Variants in AGBL1 observed in about 807,000 individuals in gnomAD.
The protein encoded by AGBL1 is cytosolic carboxypeptidase 4.
Under a neutral mutation model 118.9 loss-of-function variants are expected in AGBL1, and 130 were observed. The observed-to-expected ratio is 1.09, with a 90% CI of 0.95 to 1.26. AGBL1 has a LOEUF of 1.26. Among genes scored for constraint, AGBL1 ranks in the 50% most tolerant of loss-of-function variants. The pLI is 0.00. For missense variants in AGBL1, 1,584 were observed against 1,298.1 expected, an observed-to-expected ratio of 1.22 and a Z score of -3.38; for synonymous variants, 555 against 478.9, an observed-to-expected ratio of 1.16 and a Z score of -2.08.
intron 24 of AGBL1, among the ~76,000 whole-genome samples, chr15:87,022,206 C>T (rs1411388910): frequency 6.6e-6 from 1 of 151,884 alleles, no homozygotes; most frequent in Non-Finnish European, 1.5e-5. Context: ...AGAGTCTACC[C>T]AAATGAGAAG....
At chr15:86,308,828 G>T (rs529905783) in intron 17 of AGBL1, among the ~76,000 whole-genome samples, 1 of 152,262 alleles carries the variant, frequency 6.6e-6, no homozygotes, top group South Asian at 2.1e-4. Context: ...CTACAGCTTT[G>T]TAGTATATTT....
At chr15:86,718,166 C>T (rs751031352) in intron 22 of AGBL1, among the ~76,000 whole-genome samples, 9 of 152,150 alleles carry the variant, frequency 5.9e-5, no homozygotes, top group Non-Finnish European at 1.0e-4. Context: ...GAGCCAGAGA[C>T]CCTACCACTG....
intron 22 of AGBL1, among the ~76,000 whole-genome samples, chr15:86,716,722 C>G (rs1378423536): frequency 6.6e-6 from 1 of 152,138 alleles, no homozygotes; most frequent in Non-Finnish European, 1.5e-5. Context: ...TATCCCAAAG[C>G]CGTCATTGCT....
intron 18 of AGBL1, among the ~76,000 whole-genome samples, chr15:86,419,425 G>T (rs1596090623): frequency 6.6e-6 from 1 of 152,268 alleles, no homozygotes; most frequent in East Asian, 1.9e-4. Flanking sequence ...ATGCATTATG[G>T]CCCAGATACT....
chr15:86,616,217 A>G (rs2084719267), intron 21 of AGBL1, among the ~76,000 whole-genome samples: 1 of 151,886 alleles, frequency 6.6e-6, no homozygotes, highest in South Asian at 2.1e-4. Flanking sequence ...GGCACCTGTA[A>G]TCTCAGCTAC....
intron 16 of AGBL1, among the ~76,000 whole-genome samples, chr15:86,287,206 T>C (rs541268742): frequency 5.9e-5 from 9 of 152,304 alleles, no homozygotes; most frequent in Non-Finnish European, 1.2e-4. Flanking sequence ...GGTTGTTTGT[T>C]TTCTTGTTAC....
intron 22 of AGBL1, among the ~76,000 whole-genome samples, chr15:86,774,417 T>G (rs1351737414): frequency 6.6e-6 from 1 of 152,282 alleles, no homozygotes; most frequent in Admixed American, 6.5e-5. Flanking sequence ...TAATACATAC[T>G]TTTGTTTTAT....
intron 22 of AGBL1, among the ~76,000 whole-genome samples, chr15:86,808,166 T>C (rs1481412116): frequency 6.6e-6 from 1 of 152,206 alleles, no homozygotes; most frequent in African/African-American, 2.4e-5. Context: ...TTATACAGAA[T>C]GACCTTTCTG....
intron 17 of AGBL1, among the ~76,000 whole-genome samples, chr15:86,307,706 A>G (rs1421765248): frequency 6.6e-6 from 1 of 152,086 alleles, no homozygotes; most frequent in South Asian, 2.1e-4. Flanking sequence ...GTTTGAGTCT[A>G]GTCTGGACAG....
chr15:86,800,428 C>T (rs770753989), intron 22 of AGBL1, among the ~76,000 whole-genome samples: 1 of 151,958 alleles, frequency 6.6e-6, no homozygotes, highest in African/African-American at 2.4e-5. Flanking sequence ...AGAAAAAAGG[C>T]CCAGAATTTC....
At chr15:86,568,686 A>G (rs2083955906) in intron 21 of AGBL1, among the ~76,000 whole-genome samples, 1 of 152,218 alleles carries the variant, frequency 6.6e-6, no homozygotes, top group African/African-American at 2.4e-5. Flanking sequence ...TTTGTTAGAA[A>G]TGCAGACTCC....
intron 5 of AGBL1, among the ~76,000 whole-genome samples, chr15:86,224,671 GA>G (rs990271495): frequency 6.6e-6 from 1 of 152,122 alleles, no homozygotes; most frequent in African/African-American, 2.4e-5. Flanking sequence ...AAGCAGGGGA[GA>G]GAAAGAGATT....
intron 22 of AGBL1, among the ~76,000 whole-genome samples, chr15:86,766,906 A>G (rs2078104442): frequency 6.6e-6 from 1 of 151,866 alleles, no homozygotes; most frequent in Non-Finnish European, 1.5e-5. Context: ...CAACCTACAG[A>G]CGCCATTTCT....
At chr15:86,119,638 T>G (rs1282209664) in intron 1 of AGBL1, among the ~76,000 whole-genome samples, 3 of 150,262 alleles carry the variant, frequency 2.0e-5, no homozygotes, top group Admixed American at 6.7e-5. Flanking sequence ...TGGAAGAGCA[T>G]ATCTCAGAAA....
At chr15:86,462,398 C>T (rs2082345339) in intron 18 of AGBL1, among the ~76,000 whole-genome samples, 1 of 151,972 alleles carries the variant, frequency 6.6e-6, no homozygotes, top group South Asian at 2.1e-4. Flanking sequence ...CTTCAAGACC[C>T]GTTTCCTCTG....
chr15:86,322,497 C>T (rs999295765), intron 17 of AGBL1, among the ~76,000 whole-genome samples: 1 of 151,888 alleles, frequency 6.6e-6, no homozygotes, highest in Non-Finnish European at 1.5e-5. Flanking sequence ...TTTGAGGGGA[C>T]CTGGTAAATC....
chr15:86,392,562 A>G (rs1249222237), intron 17 of AGBL1, among the ~76,000 whole-genome samples: 1 of 152,198 alleles, frequency 6.6e-6, no homozygotes. Context: ...CTTAATATAT[A>G]TTGTTGAAAG....
At chr15:86,486,093 A>T (rs1326538173) in intron 18 of AGBL1, among the ~76,000 whole-genome samples, 1 of 152,104 alleles carries the variant, frequency 6.6e-6, no homozygotes, top group Admixed American at 6.6e-5. Context: ...TAGTCTCCTC[A>T]TCATTAATTT....
In AGBL1 at chr15:86,153,488, A is replaced by C. The variant is rs562950796; in HGVS notation, c.263-942A>C. ...ATCAGTTGGATACAGGGCAGTGAAC[A>C]TCACACACCGGGGCCTGTCGTGGGG... On this transcript the variant is annotated intron_variant, in intron 3 of 22. Coordinates refer to ENST00000614907, the MANE Select transcript of AGBL1 (RefSeq NM_001386094.1). 4.0e-5 allele frequency among the ~76,000 whole-genome samples: 6 copies of C among 151,348 alleles called. No individual in the cohort carries two copies. The East Asian group carries it at 9.8e-4, about 25-fold the overall frequency.
Sources: gnomAD v4.1 joint callset for allele counts (sites outside exome capture counted in the v4.1 genomes callset) on GRCh38, gnomAD v4.1.1 for gene constraint, MANE v1.5 for transcripts, NCBI Gene and HGNC (gene_info 2026-07-23, HGNC 2026-07-21) for gene names.